The following SNRK variants were observed in gnomAD, a reference collection of about 807,000 sequenced individuals.
The protein encoded by SNRK is SNF related kinase.
SNRK carries 3 observed loss-of-function variants against 48.2 expected under a neutral mutation model. That is an observed-to-expected ratio of 0.06 (90% CI 0.03 to 0.16). The LOEUF is 0.16. Among genes scored for constraint, SNRK ranks in the 10% least tolerant of loss-of-function variants. SNRK has a pLI of 1.00. For missense variants in SNRK, 627 were observed against 976.0 expected (o/e 0.64, Z 4.76); for synonymous variants, 376 against 366.1 (o/e 1.03, Z -0.31).
At position 43,348,260 on chromosome 3, in the gene SNRK, T is replaced by C. The variant is rs774171857; in HGVS notation, c.2001T>C (p.Asp667=). Residue 667 remains aspartate (D), a synonymous_variant, in exon 7 of 7, where the codon GAT becomes GAC. Transcript: ENST00000296088. ...QLHGSTKYII[D]PQNGLSFSSV... ...ATGGGAGCACCAAGTACATTATTGATCCACAGAATGGCTTGTCATTTTCCA... is the reference window on the plus strand; with the variant it reads ...ATGGGAGCACCAAGTACATTATTGACCCACAGAATGGCTTGTCATTTTCCA... 3 of 1,614,096 alleles carry C rather than the reference T, an allele frequency of 1.9e-6. No homozygotes were observed. The highest frequency in any genetic ancestry group is 2.5e-6 in the Non-Finnish European group (3 of 1,179,982).
intron 5 of SNRK, among the ~76,000 whole-genome samples, chr3:43,342,349 C>G (rs1203990436): frequency 6.6e-6 from 1 of 152,150 alleles, no homozygotes; most frequent in Non-Finnish European, 1.5e-5. Context: ...TTCCAACACA[C>G]ACCTTTCTCT....
chr3:43,298,765 C>T (rs569908423), intron 1 of SNRK, among the ~76,000 whole-genome samples: 2 of 152,292 alleles, frequency 1.3e-5, no homozygotes, highest in East Asian at 3.9e-4. Context: ...GTCAGTATTC[C>T]CTCATTGTGC....
At chr3:43,321,471 T>G (rs1014860391) in intron 3 of SNRK, among the ~76,000 whole-genome samples, 1 of 152,110 alleles carries the variant, frequency 6.6e-6, no homozygotes, top group Admixed American at 6.5e-5. Context: ...GTAGATGAAA[T>G]GGACTGTCCT....
chr3:43,336,647 C>T (rs1017694528), intron 4 of SNRK, among the ~76,000 whole-genome samples: 16 of 151,954 alleles, frequency 1.1e-4, no homozygotes, highest in Admixed American at 5.2e-4. Flanking sequence ...TTTTCTTTTT[C>T]CCCTCATTTG....
At chr3:43,337,485 A>G (rs992382695) in intron 4 of SNRK, among the ~76,000 whole-genome samples, 1 of 151,678 alleles carries the variant, frequency 6.6e-6, no homozygotes, top group African/African-American at 2.4e-5. Context: ...CCTCAGTGCA[A>G]TCATGGCTCA....
rs763371381 is a variant in SNRK at position 43,303,767 on chromosome 3, T to C, written c.564T>C (p.Gly188=). ...ATTCCGCTCCAGAAATTCTGCTTGG[T>C]GATGAGTATGATGCACCTGCAGTAG... The part of the protein sequence containing the change: ...LAYSAPEILL[G]DEYDAPAVDI... The change falls in exon 3 of 7, where the codon GGT becomes GGC. Residue 188 remains glycine (G), a synonymous_variant. Transcript: ENST00000296088. The surrounding 1 kb of genome is among the most constrained non-coding windows in gnomAD (Gnocchi z 6.2). 1 of 1,613,336 alleles carries C rather than the reference T, an allele frequency of 6.2e-7. No homozygotes were observed. Among genetic ancestry groups the C allele is most frequent in the Admixed American group, 1.7e-5 (1 of 60,008 alleles).
intron 3 of SNRK, among the ~76,000 whole-genome samples, chr3:43,305,514 G>C (rs938482698): frequency 7.2e-6 from 1 of 138,276 alleles, no homozygotes; most frequent in African/African-American, 2.8e-5. Flanking sequence ...ACAGAGTCTC[G>C]TTCTGTCACC....
chr3:43,328,658 C>T (rs1375017281), intron 3 of SNRK, among the ~76,000 whole-genome samples: 1 of 152,108 alleles, frequency 6.6e-6, no homozygotes, highest in Non-Finnish European at 1.5e-5. Flanking sequence ...TTCTGGGGAC[C>T]CAAGCTCCTG....
chr3:43,348,765 A>G lies in SNRK; in HGVS notation c.*208A>G, dbSNP rs533841700. The G allele has an allele frequency of 2.0e-4, 89 of 441,132 alleles. No homozygotes were observed. The highest frequency in any genetic ancestry group is 3.2e-4 in the Non-Finnish European group (83 of 260,682). The allele number at this position is 441,132 out of a possible 1,614,324, so 27.3% of individuals were successfully genotyped here. On this transcript the variant is annotated 3_prime_UTR_variant, in exon 7 of 7. Transcript: ENST00000296088. ...TTCTTTCCCAGCCGAAAAGCCTATT[A>G]TGTAATTTTTACATTCATAATTTTA...
intron 3 of SNRK, among the ~76,000 whole-genome samples, chr3:43,318,545 CT>C (rs56922397): frequency 0.79 from 115,630 of 145,640 alleles, 48,536 homozygotes; most frequent in Non-Finnish European, 0.93. Flanking sequence ...ATTAAATTTT[CT>C]TTTTTTTTTT....
chr3:43,348,171 C>T lies in SNRK; in HGVS notation c.1912C>T (p.Arg638Cys), dbSNP rs772911877. 1.9e-5 allele frequency: 30 copies of T among 1,588,094 alleles called. No individual in the cohort carries two copies. Among genetic ancestry groups the T allele is most frequent in the South Asian group, 5.8e-5 (5 of 86,814 alleles). The change falls in exon 7 of 7, where the codon CGC becomes TGC. Residue 638 changes from arginine (R) to cysteine (C), a missense_variant. Physicochemically the swap from Arg to Cys is radical, Grantham distance 180. This residue lies in a region of SNRK where 207 missense variants were observed against 234.3 expected (regional missense o/e 0.88). Coordinates refer to ENST00000296088, the MANE Select transcript of SNRK (RefSeq NM_017719.5). Reference sequence around the variant, plus strand: ...CAGCAACTCCATGCAGCTGGCCTCTCGCAGTGCTGGGGAGCTCGTTGAGAG... The same window carrying T: ...CAGCAACTCCATGCAGCTGGCCTCTTGCAGTGCTGGGGAGCTCGTTGAGAG... ...GPSNSMQLAS[R>C]SAGELVESLK... is the part of the protein sequence containing the mutation.
At chr3:43,296,826 T>C (rs1575531470) in intron 1 of SNRK, among the ~76,000 whole-genome samples, 1 of 152,226 alleles carries the variant, frequency 6.6e-6, no homozygotes, top group South Asian at 2.1e-4. Context: ...TACAACTGTT[T>C]TCAGCAGCTT....
intron 6 of SNRK, among the ~76,000 whole-genome samples, chr3:43,344,875 G>A (rs535167297): frequency 6.6e-6 from 1 of 152,034 alleles, no homozygotes; most frequent in South Asian, 2.1e-4. Context: ...GCTACCACCA[G>A]GCTTCTGGAA....
Position 43,303,198 on chromosome 3 carries a change from A to T in SNRK, c.-6A>T. 1 of 1,604,078 alleles carries T rather than the reference A, an allele frequency of 6.2e-7. No individual in the cohort carries two copies. Among genetic ancestry groups the T allele is most frequent in the Admixed American group, 1.7e-5 (1 of 59,488 alleles). On this transcript the variant is annotated 5_prime_UTR_variant, in exon 3 of 7. Coordinates refer to ENST00000296088, the MANE Select transcript of SNRK (RefSeq NM_017719.5). This position sits in a 1 kb window ranked among gnomAD's most constrained non-coding sequence, Gnocchi z 6.2. ...GTCTAAATATTTTTTCTTCTGTTGG[A>T]CCAGCATGGCAGGATTTAAGCGAGG...
Position 43,348,255 on chromosome 3 carries a change from A to G in SNRK, c.1996A>G (p.Ile666Val), listed in dbSNP as rs748924017. 2.5e-6 allele frequency: 4 copies of G among 1,614,004 alleles called. No individual in the cohort carries two copies. Among genetic ancestry groups the G allele is most frequent in the Admixed American group, 3.3e-5 (2 of 59,996 alleles). Residue 666 changes from isoleucine (I) to valine (V), a missense_variant, in exon 7 of 7, where the codon ATT becomes GTT. This residue lies in a region of SNRK where 207 missense variants were observed against 234.3 expected (regional missense o/e 0.88). Coordinates refer to ENST00000296088, the MANE Select transcript of SNRK (RefSeq NM_017719.5). ...SQLHGSTKYIIDPQNGLSFSS... is the reference protein window; with the variant it reads ...SQLHGSTKYIVDPQNGLSFSS... ...GCTTCATGGGAGCACCAAGTACATT[A>G]TTGATCCACAGAATGGCTTGTCATT...
At chr3:43,302,173 T>C (rs1169516927) in intron 2 of SNRK, among the ~76,000 whole-genome samples, 2 of 152,138 alleles carry the variant, frequency 1.3e-5, no homozygotes, top group Non-Finnish European at 2.9e-5. Flanking sequence ...ACCAGTAAAT[T>C]AACAAATATT....
intron 1 of SNRK, among the ~76,000 whole-genome samples, chr3:43,289,329 G>C (rs1412678246): frequency 6.6e-6 from 1 of 152,128 alleles, no homozygotes; most frequent in Non-Finnish European, 1.5e-5. Context: ...GGTGGGAGAA[G>C]AACATAGATC....
chr3:43,316,008 G>A (rs1241481371), intron 3 of SNRK, among the ~76,000 whole-genome samples: 1 of 151,678 alleles, frequency 6.6e-6, no homozygotes, highest in African/African-American at 2.4e-5. Flanking sequence ...AAATTGATCT[G>A]GCATAAACCC....
chr3:43,335,995 C>T (rs535236920), intron 4 of SNRK, among the ~76,000 whole-genome samples: 2 of 152,092 alleles, frequency 1.3e-5, no homozygotes, highest in African/African-American at 4.8e-5. Context: ...TTCTTTAATC[C>T]CATCTGATCA....
Sources: gnomAD v4.1 joint callset for allele counts (sites outside exome capture counted in the v4.1 genomes callset) on GRCh38, gnomAD v4.1.1 for gene constraint, gnomAD v4.1.1 regional missense constraint, Gnocchi (gnomAD v3.1) non-coding constraint, MANE v1.5 for transcripts, NCBI Gene and HGNC (gene_info 2026-07-23, HGNC 2026-07-21) for gene names.